The following NKAIN3 variants were observed in gnomAD, a reference collection of about 807,000 sequenced individuals.
NKAIN3 encodes sodium/potassium-transporting ATPase subunit beta-1-interacting protein 3.
Under a neutral mutation model 30.2 loss-of-function variants are expected in NKAIN3, and 25 were observed. That is an observed-to-expected ratio of 0.83 (90% CI 0.60 to 1.16). The LOEUF (loss-of-function observed/expected upper bound fraction) is 1.16, where lower values mean the gene tolerates loss of function less well. NKAIN3 is among the 50% of genes most tolerant of loss of function. The pLI is 0.00. For synonymous variants in NKAIN3, 91 were observed against 89.6 expected (o/e 1.02, Z -0.09); for missense variants, 225 against 254.1 (o/e 0.89, Z 0.78).
chr8:62,873,196 T>C (rs1820696433), intron 4 of NKAIN3, among the ~76,000 whole-genome samples: 1 of 151,952 alleles, frequency 6.6e-6, no homozygotes. Context: ...TTGTAGTCTC[T>C]GACAAAACAG....
intron 1 of NKAIN3, among the ~76,000 whole-genome samples, chr8:62,557,569 A>C (rs1809445943): frequency 6.6e-6 from 1 of 151,976 alleles, no homozygotes; most frequent in South Asian, 2.1e-4. Context: ...GCCAGCATCT[A>C]CTGGTTTTTG....
chr8:62,851,285 C>G (rs201927648), intron 4 of NKAIN3, among the ~76,000 whole-genome samples: 15 of 152,006 alleles, frequency 9.9e-5, no homozygotes, highest in African/African-American at 1.2e-4. Flanking sequence ...AAGAATGCTT[C>G]TGATTTTTGC....
intron 1 of NKAIN3, among the ~76,000 whole-genome samples, chr8:62,366,449 ACTC>A (rs1816744411): frequency 6.6e-6 from 1 of 151,786 alleles, no homozygotes; most frequent in Non-Finnish European, 1.5e-5. Context: ...CTGGTCTCGA[ACTC>A]CTGACCTCAA....
At chr8:62,918,328 G>T (rs1822169919) in intron 4 of NKAIN3, 125 bp from the exon 5 acceptor site, 1 of 707,926 alleles carries the variant, frequency 1.4e-6, no homozygotes, top group Non-Finnish European at 2.5e-6. Context: ...CATTTTAAAA[G>T]AGTTTTTCCA....
intron 4 of NKAIN3, among the ~76,000 whole-genome samples, chr8:62,766,068 G>T (rs1816827964): frequency 6.6e-6 from 1 of 151,936 alleles, no homozygotes. Flanking sequence ...TTTACCTTTG[G>T]CCTAGCACTA....
intron 3 of NKAIN3, among the ~76,000 whole-genome samples, chr8:62,643,229 A>C (rs1812361024): frequency 6.6e-6 from 1 of 152,124 alleles, no homozygotes; most frequent in Admixed American, 6.6e-5. Flanking sequence ...GTTAGATATG[A>C]CTTTACAAAT....
intron 3 of NKAIN3, among the ~76,000 whole-genome samples, chr8:62,654,639 A>C (rs1269209828): frequency 6.6e-6 from 1 of 152,198 alleles, no homozygotes; most frequent in African/African-American, 2.4e-5. Context: ...GAACTTTATA[A>C]AGAAAATATT....
At chr8:62,952,543 C>A (rs1424481297) in intron 5 of NKAIN3, among the ~76,000 whole-genome samples, 2 of 152,152 alleles carry the variant, frequency 1.3e-5, no homozygotes, top group East Asian at 3.8e-4. Flanking sequence ...ACTATTTCGA[C>A]CTTTGAAGAA....
chr8:62,346,032 A>G (rs1215850554), intron 1 of NKAIN3, among the ~76,000 whole-genome samples: 1 of 152,132 alleles, frequency 6.6e-6, no homozygotes, highest in Non-Finnish European at 1.5e-5. Context: ...ATCACATAGA[A>G]GTAGACAGTA....
chr8:62,646,184 T>C (rs141165191), intron 3 of NKAIN3, among the ~76,000 whole-genome samples: 1 of 149,158 alleles, frequency 6.7e-6, no homozygotes, highest in Non-Finnish European at 1.5e-5. Context: ...TGCCTGGACA[T>C]CTCTGGTCAT....
intron 3 of NKAIN3, among the ~76,000 whole-genome samples, chr8:62,617,287 G>T (rs1312007690): frequency 6.6e-6 from 1 of 152,124 alleles, no homozygotes; most frequent in Non-Finnish European, 1.5e-5. Flanking sequence ...CCTTATTAAT[G>T]ATAAAAGACA....
intron 4 of NKAIN3, among the ~76,000 whole-genome samples, chr8:62,755,463 C>G (rs760891300): frequency 7.9e-5 from 12 of 152,078 alleles, no homozygotes; most frequent in Non-Finnish European, 1.5e-4. Flanking sequence ...CTCTCAACAG[C>G]CTTTCTGATC....
chr8:62,588,056 A>G (rs1384536209), intron 2 of NKAIN3, among the ~76,000 whole-genome samples: 2 of 151,858 alleles, frequency 1.3e-5, no homozygotes, highest in African/African-American at 4.8e-5. Context: ...TTACTTTAAT[A>G]TTGCTTTATT....
chr8:62,476,498 C>T (rs1313845800), intron 1 of NKAIN3, among the ~76,000 whole-genome samples: 2 of 151,846 alleles, frequency 1.3e-5, no homozygotes. Flanking sequence ...CGCTCTTTCA[C>T]CAGGCTGGAG....
intron 1 of NKAIN3, among the ~76,000 whole-genome samples, chr8:62,303,826 G>T (rs1235002656): frequency 6.6e-6 from 1 of 150,594 alleles, no homozygotes; most frequent in Non-Finnish European, 1.5e-5. Flanking sequence ...TTTTAATACT[G>T]TAAGATTATT....
intron 1 of NKAIN3, among the ~76,000 whole-genome samples, chr8:62,388,865 C>A (rs891128504): frequency 1.4e-5 from 2 of 146,660 alleles, no homozygotes; most frequent in Non-Finnish European, 3.0e-5. Flanking sequence ...AATAAAATCT[C>A]TAGTTGACCA....
chr8:62,278,955 C>T (rs1028419071), intron 1 of NKAIN3, among the ~76,000 whole-genome samples: 2 of 152,218 alleles, frequency 1.3e-5, no homozygotes, highest in African/African-American at 4.8e-5. Context: ...AATCACCACA[C>T]TGTCTTCCAC....
At chr8:62,832,505 C>T (rs1819229254) in intron 4 of NKAIN3, among the ~76,000 whole-genome samples, 1 of 149,150 alleles carries the variant, frequency 6.7e-6, no homozygotes, top group African/African-American at 2.6e-5. Flanking sequence ...TTCAAGAGAC[C>T]CAACTCACAT....
intron 1 of NKAIN3, among the ~76,000 whole-genome samples, chr8:62,489,478 T>C (rs933494531): frequency 6.6e-6 from 1 of 152,220 alleles, no homozygotes. Flanking sequence ...ACGGAAACTC[T>C]AAGGGTCTCT....
Sources: allele counts gnomAD v4.1 joint callset (sites outside exome capture counted in the v4.1 genomes callset), GRCh38; gene constraint gnomAD v4.1.1; transcripts MANE v1.5; gene names NCBI Gene and HGNC (gene_info 2026-07-23, HGNC 2026-07-21).